KIAA0513: variants seen among roughly 807,000 people sequenced by gnomAD.
KIAA0513 encodes KIAA0513, also known as uncharacterized protein KIAA0513.
A neutral mutation model predicts 56.5 loss-of-function variants in KIAA0513; 39 were observed. The observed-to-expected ratio is 0.69, with a 90% CI of 0.53 to 0.90. KIAA0513 has a LOEUF of 0.90. Among genes scored for constraint, KIAA0513 ranks in the 40% least tolerant of loss-of-function variants. KIAA0513 has a pLI of 0.00. For missense variants in KIAA0513, 591 were observed against 535.2 expected (o/e 1.10, Z -1.03); for synonymous variants, 268 against 215.6 (o/e 1.24, Z -2.13).
chr16:85,056,143 A>G (rs1188923394), intron 1 of KIAA0513, among the ~76,000 whole-genome samples: 3 of 152,232 alleles, frequency 2.0e-5, no homozygotes, highest in African/African-American at 7.2e-5. Context: ...CCTTGAACTC[A>G]GGATAGCTGG....
In KIAA0513 at chr16:85,067,322, C is replaced by G. The variant is rs1429725919; in HGVS notation, c.251C>G (p.Thr84Ser). ...GAGTCCTTCTCCTCCAACCAGAGCA[C>G]CGAGTCTACCCAGGATGAAGAGACC... ...SNESFSSNQS[T>S]ESTQDEETLA... Residue 84 changes from threonine (T) to serine (S), a missense_variant, in exon 2 of 13, where the codon ACC (threonine) becomes AGC (serine). Coordinates refer to ENST00000683363, the MANE Select transcript of KIAA0513 (RefSeq NM_001388359.1). 3 of 1,612,342 alleles carry G rather than the reference C, an allele frequency of 1.9e-6. No individual in the cohort carries two copies. The highest frequency in any genetic ancestry group is 2.5e-6 in the Non-Finnish European group (3 of 1,180,032).
chr16:85,051,805 G>A (rs1313246166), intron 1 of KIAA0513, among the ~76,000 whole-genome samples: 7 of 151,042 alleles, frequency 4.6e-5, no homozygotes, highest in Non-Finnish European at 7.4e-5. Context: ...GGTAGCTCTC[G>A]CCTTTTCCCT....
At chr16:85,056,588 T>C (rs9929723) in intron 1 of KIAA0513, among the ~76,000 whole-genome samples, 1,638 of 152,210 alleles carry the variant, frequency 0.011, 28 homozygotes, top group African/African-American at 0.038. Flanking sequence ...TCCCTGAGAA[T>C]CTCCTTGCCA....
At chr16:85,086,418 T>A (rs1157400161) in intron 10 of KIAA0513, among the ~76,000 whole-genome samples, 1 of 152,254 alleles carries the variant, frequency 6.6e-6, no homozygotes, top group Non-Finnish European at 1.5e-5. Context: ...TCTCTTTATC[T>A]TATGAAGAGT....
At chr16:85,035,083 G>A (rs1167285115) in intron 1 of KIAA0513, among the ~76,000 whole-genome samples, 1 of 152,028 alleles carries the variant, frequency 6.6e-6, no homozygotes, top group Non-Finnish European at 1.5e-5. Context: ...TCAGCCCTCT[G>A]ATTTCCACCT....
At chr16:85,062,950 T>C (rs870149) in intron 1 of KIAA0513, among the ~76,000 whole-genome samples, 26,124 of 152,128 alleles carry the variant, frequency 0.17, 4,325 homozygotes, top group African/African-American at 0.43. Context: ...TTGCCATGAC[T>C]ACACACAGTC....
chr16:85,045,894 C>G (rs1324097104), intron 1 of KIAA0513, among the ~76,000 whole-genome samples: 1 of 152,176 alleles, frequency 6.6e-6, no homozygotes, highest in Non-Finnish European at 1.5e-5. Context: ...CTTGGACTTT[C>G]TGTACTTATC....
At chr16:85,068,320 C>T (rs1326004911) in intron 2 of KIAA0513, among the ~76,000 whole-genome samples, 1 of 151,502 alleles carries the variant, frequency 6.6e-6, no homozygotes, top group Non-Finnish European at 1.5e-5. Context: ...CCACGCCTGG[C>T]TAATTTTTGT....
chr16:85,054,867 C>T (rs1038505933), intron 1 of KIAA0513, among the ~76,000 whole-genome samples: 10 of 151,940 alleles, frequency 6.6e-5, no homozygotes, highest in East Asian at 1.9e-4. Flanking sequence ...GCTGCATGGA[C>T]GTATTCGCTT....
intron 1 of KIAA0513, among the ~76,000 whole-genome samples, chr16:85,037,744 C>G (rs974805927): frequency 7.2e-5 from 11 of 152,174 alleles, no homozygotes; most frequent in African/African-American, 2.7e-4. Context: ...CTTGTGGAAG[C>G]AAGCGGTATT....
chr16:85,088,776 C>G lies in KIAA0513; in HGVS notation c.*451C>G, dbSNP rs1597653974. ...ACGGTGGGTGGCCGTGGGCCACCTT[C>G]CCTGCAATGGGTGCACACGCGGCTC... is the stretch of plus-strand genomic sequence containing the variant. On this transcript the variant is annotated 3_prime_UTR_variant, in exon 13 of 13. Coordinates refer to ENST00000683363, the MANE Select transcript of KIAA0513 (RefSeq NM_001388359.1). 5.8e-6 allele frequency: 1 copy of G among 172,318 alleles called. No individual in the cohort carries two copies. The highest frequency in any genetic ancestry group is 2.4e-5 in the African/African-American group (1 of 42,020). The allele number at this position is 172,318 out of a possible 1,614,324, so 10.7% of individuals were successfully genotyped here. A position where few individuals can be genotyped will look rare whatever the true frequency, so the allele number is the denominator to read the frequency against.
chr16:85,042,008 A>G (rs1359385558), intron 1 of KIAA0513, among the ~76,000 whole-genome samples: 1 of 152,190 alleles, frequency 6.6e-6, no homozygotes, highest in African/African-American at 2.4e-5. Flanking sequence ...CAGAAGCCTG[A>G]AGTCTCATGT....
chr16:85,083,378 G>A (rs796148309), intron 10 of KIAA0513, among the ~76,000 whole-genome samples: 2 of 152,304 alleles, frequency 1.3e-5, no homozygotes, highest in African/African-American at 4.8e-5. Flanking sequence ...TCAGTGGTAT[G>A]TCTGTAGTGT....
intron 10 of KIAA0513, among the ~76,000 whole-genome samples, chr16:85,085,294 AC>A (rs2073795677): frequency 6.6e-6 from 1 of 152,138 alleles, no homozygotes; most frequent in Non-Finnish European, 1.5e-5. Flanking sequence ...TTTGTCAGTC[AC>A]CCCCATCATG....
At chr16:85,087,013 C>T in intron 11 of KIAA0513, 59 bp from the exon 12 acceptor site, 3 of 1,513,568 alleles carry the variant, frequency 2.0e-6, no homozygotes, top group Non-Finnish European at 2.8e-6. Flanking sequence ...AAGGGCCCAG[C>T]TCCCCGGCCC....
chr16:85,072,721 G>A (rs1482774626), intron 3 of KIAA0513, among the ~76,000 whole-genome samples: 2 of 152,178 alleles, frequency 1.3e-5, no homozygotes, highest in African/African-American at 4.8e-5. Flanking sequence ...CATGTGCCCT[G>A]CCCAGTGATG....
intron 1 of KIAA0513, among the ~76,000 whole-genome samples, chr16:85,059,290 T>C (rs2073371179): frequency 6.6e-6 from 1 of 152,222 alleles, no homozygotes; most frequent in Non-Finnish European, 1.5e-5. Flanking sequence ...AAAAAATTGA[T>C]CTATGCTGTG....
At chr16:85,047,972 G>A (rs1210213637) in intron 1 of KIAA0513, among the ~76,000 whole-genome samples, 1 of 152,226 alleles carries the variant, frequency 6.6e-6, no homozygotes, top group South Asian at 2.1e-4. Flanking sequence ...CAGTGGGCAG[G>A]GAAGGGTGGC....
chr16:85,065,750 A>G (rs2073471869), intron 1 of KIAA0513, among the ~76,000 whole-genome samples: 1 of 152,120 alleles, frequency 6.6e-6, no homozygotes, highest in Non-Finnish European at 1.5e-5. Context: ...CTCTGCTCTG[A>G]GGGGCTGTCA....
Sources: allele counts gnomAD v4.1 joint callset (sites outside exome capture counted in the v4.1 genomes callset), GRCh38; gene constraint gnomAD v4.1.1; transcripts MANE v1.5; gene names NCBI Gene and HGNC (gene_info 2026-07-23, HGNC 2026-07-21).